Variants in ZDBF2 observed in about 807,000 individuals in gnomAD.
ZDBF2 encodes DBF4-type zinc finger-containing protein 2.
Under a neutral mutation model 9.4 loss-of-function variants are expected in ZDBF2, and 6 were observed. The observed-to-expected ratio is 0.64, with a 90% CI of 0.35 to 1.27. The LOEUF (loss-of-function observed/expected upper bound fraction) is 1.27, where lower values mean the gene tolerates loss of function less well. Among genes scored for constraint, ZDBF2 ranks in the 50% most tolerant of loss-of-function variants. ZDBF2 has a pLI of 0.03. For synonymous variants in ZDBF2, 905 were observed against 946.3 expected (o/e 0.96, Z 0.80); for missense variants, 2,697 against 2,766.8 (o/e 0.97, Z 0.57).
rs866543721 is a variant in ZDBF2 at position 206,311,268 on chromosome 2, G to A, written c.6740G>A (p.Arg2247Lys). ...CAGTCCAGGAGCGCTTTTCTTGGAA[G>A]GTATCTGAAGAAGAAAAAATCTGTT... Reference protein sequence around the residue: ...RYQSRSAFLGRYLKKKKSVVS... With the variant: ...RYQSRSAFLGKYLKKKKSVVS... Residue 2247 changes from arginine to lysine, a missense_variant, in exon 5 of 5, where the codon AGG becomes AAG. Around this residue, in one of 3 missense-constraint regions of ZDBF2, gnomAD observed 1,783 missense variants for 1,776.5 expected, o/e 1.00. Transcript: ENST00000374423. The A allele has an allele frequency of 6.2e-7, 1 of 1,609,820 alleles. No homozygotes were observed. Among genetic ancestry groups the A allele is most frequent in the African/African-American group, 1.3e-5 (1 of 74,856 alleles).
chr2:206,307,435 C>G lies in ZDBF2; in HGVS notation c.2907C>G (p.His969Gln), dbSNP rs765514761. Residue 969 changes from histidine to glutamine, a missense_variant, in exon 5 of 5, where the codon CAC becomes CAG. Transcript: ENST00000374423. ...DSDVPLQAATHKPEVIVKETW... is the reference protein window; with the variant it reads ...DSDVPLQAATQKPEVIVKETW... The stretch of plus-strand genomic sequence containing the variant: ...ATGTCCCTCTTCAGGCAGCGACTCA[C>G]AAACCTGAAGTAATTGTCAAAGAAA... 1.9e-6 allele frequency: 3 copies of G among 1,611,872 alleles called. No homozygotes were observed. The highest frequency in any genetic ancestry group is 2.5e-6 in the Non-Finnish European group (3 of 1,179,354).
Position 206,307,002 on chromosome 2 carries a change from G to C in ZDBF2, c.2474G>C (p.Cys825Ser), listed in dbSNP as rs561719362. The C allele has an allele frequency of 1.2e-6, 2 of 1,613,616 alleles. No individual in the cohort carries two copies. Among genetic ancestry groups the C allele is most frequent in the Non-Finnish European group, 8.5e-7 (1 of 1,179,744 alleles). Residue 825 changes from cysteine (C) to serine (S), a missense_variant, in exon 5 of 5, where the codon TGT (cysteine) becomes TCT (serine). Transcript: ENST00000374423. ...VDLESKSNESCVSEITFDSDI... is the reference protein window; with the variant it reads ...VDLESKSNESSVSEITFDSDI... ...CTGGAAAGTAAAAGTAATGAATCTT[G>C]TGTCTCTGAAATAACTTTTGATTCT...
chr2:206,301,801 C>T (rs1391528365), intron 4 of ZDBF2, among the ~76,000 whole-genome samples: 2 of 151,366 alleles, frequency 1.3e-5, no homozygotes, highest in Non-Finnish European at 1.5e-5. Flanking sequence ...TCATGTATTT[C>T]GTCTACCTTT....
intron 3 of ZDBF2, 148 bp from the exon 4 acceptor site, chr2:206,297,098 G>A: frequency 2.1e-6 from 1 of 484,340 alleles, no homozygotes; most frequent in Non-Finnish European, 3.6e-6. Flanking sequence ...GTAGTTTTAT[G>A]GTTTTTAGAT....
intron 4 of ZDBF2, among the ~76,000 whole-genome samples, chr2:206,302,064 C>T (rs760446303): frequency 5.3e-5 from 8 of 151,572 alleles, no homozygotes; most frequent in Non-Finnish European, 1.2e-4. Flanking sequence ...GGCTGGAGTG[C>T]AGGGTGTGAT....
chr2:206,277,372 A>G (rs1037470357), intron 1 of ZDBF2, among the ~76,000 whole-genome samples: 2 of 151,932 alleles, frequency 1.3e-5, no homozygotes, highest in African/African-American at 4.8e-5. Context: ...ATTTCTGCCT[A>G]AGTCATCTGG....
In ZDBF2 at chr2:206,306,399, C is replaced by T; in HGVS notation, c.1871C>T (p.Ala624Val). 1 of 1,613,802 alleles carries T rather than the reference C, an allele frequency of 6.2e-7. No individual in the cohort carries two copies. The highest frequency in any genetic ancestry group is 2.2e-5 in the East Asian group (1 of 44,878). Residue 624 changes from alanine (A) to valine (V), a missense_variant, in exon 5 of 5, where the codon GCA (alanine) becomes GTA (valine). This residue lies in a region of ZDBF2 where 910 missense variants were observed against 973.6 expected (regional missense o/e 0.93). Coordinates refer to ENST00000374423, the MANE Select transcript of ZDBF2 (RefSeq NM_020923.3). ...AAGCGTAAACCCAGTAGTGCTAAAGCACATCTTGATTGTGATGTCTCACTT... is the reference window on the plus strand; with the variant it reads ...AAGCGTAAACCCAGTAGTGCTAAAGTACATCTTGATTGTGATGTCTCACTT... ...HKKRKPSSAK[A>V]HLDCDVSLGT...
chr2:206,297,624 T>G (rs1244792510), intron 4 of ZDBF2, among the ~76,000 whole-genome samples: 1 of 152,154 alleles, frequency 6.6e-6, no homozygotes, highest in African/African-American at 2.4e-5. Context: ...CATTAAGATG[T>G]TTTATAAGTA....
At position 206,309,903 on chromosome 2, in the gene ZDBF2, T is replaced by G; in HGVS notation, c.5375T>G (p.Val1792Gly). Residue 1792 changes from valine (V) to glycine (G), a missense_variant, in exon 5 of 5, where the codon GTT (valine) becomes GGT (glycine). Transcript: ENST00000374423. ...EKNHDSQSSS[V>G]LKVDSVRNLK... ...AACCATGATTCCCAGTCAAGCTCTG[T>G]TCTCAAGGTTGATTCTGTAAGGAAC... 1.9e-6 allele frequency: 3 copies of G among 1,613,990 alleles called. No homozygotes were observed. The highest frequency in any genetic ancestry group is 2.5e-6 in the Non-Finnish European group (3 of 1,179,888).
Position 206,308,488 on chromosome 2 carries a change from G to A in ZDBF2, c.3960G>A (p.Lys1320=), listed in dbSNP as rs1176169408. 6.2e-7 allele frequency: 1 copy of A among 1,613,390 alleles called. No individual in the cohort carries two copies. Among genetic ancestry groups the A allele is most frequent in the East Asian group, 2.2e-5 (1 of 44,888 alleles). The change falls in exon 5 of 5, where the codon AAG becomes AAA. Residue 1320 remains lysine (K), a synonymous_variant. Coordinates refer to ENST00000374423, the MANE Select transcript of ZDBF2 (RefSeq NM_020923.3). ...LREEHVCLDD[K]GYVPSDSEII... is the part of the protein sequence containing the mutation. ...AGGAACATGTTTGTCTGGATGATAA[G>A]GGCTATGTGCCCAGTGATTCTGAAA...
Position 206,310,463 on chromosome 2 carries a change from A to C in ZDBF2, c.5935A>C (p.Arg1979=). The C allele has an allele frequency of 6.2e-7, 1 of 1,613,800 alleles. No individual in the cohort carries two copies. The highest frequency in any genetic ancestry group is 8.5e-7 in the Non-Finnish European group (1 of 1,179,858). Residue 1979 remains arginine (R), a synonymous_variant, in exon 5 of 5, where the codon AGA becomes CGA. Transcript: ENST00000374423. Reference sequence around the variant, plus strand: ...TAAGTGTTCACGTTTACAGGATGACAGAAAAACCAAAAAGAAAGTCAAAAT... The same window carrying C: ...TAAGTGTTCACGTTTACAGGATGACCGAAAAACCAAAAAGAAAGTCAAAAT... ...KSKCSRLQDD[R]KTKKKVKIGT...
Position 206,305,484 on chromosome 2 carries a change from A to T in ZDBF2, c.956A>T (p.Lys319Ile), listed in dbSNP as rs753238789. The part of the protein sequence containing the change: ...NPNKTDMPSN[K>I]GIFEDTIAKN... Reference sequence around the variant, plus strand: ...AATAAAACTGACATGCCTTCTAATAAAGGAATCTTTGAAGATACTATTGCA... The same window carrying T: ...AATAAAACTGACATGCCTTCTAATATAGGAATCTTTGAAGATACTATTGCA... The change falls in exon 5 of 5, where the codon AAA becomes ATA. Residue 319 changes from lysine to isoleucine, a missense_variant. Physicochemically the swap from Lys to Ile is moderately radical, Grantham distance 102. Transcript: ENST00000374423. The T allele has an allele frequency of 1.9e-6, 3 of 1,612,904 alleles. No homozygotes were observed. In the Admixed American group the frequency reaches 5.0e-5, roughly 27 times the overall value.
chr2:206,294,206 A>AACCT, intron 3 of ZDBF2, among the ~76,000 whole-genome samples: 1 of 152,170 alleles, frequency 6.6e-6, no homozygotes, highest in East Asian at 1.9e-4. Context: ...AAGTTAGGTA[A>AACCT]TAGTTACTTT....
intron 3 of ZDBF2, among the ~76,000 whole-genome samples, chr2:206,293,610 CAG>C (rs138509647): frequency 1.2e-3 from 188 of 152,238 alleles, no homozygotes; most frequent in African/African-American, 4.3e-3. Flanking sequence ...ATTTGAAAAA[CAG>C]AGAGACTTGA....
chr2:206,275,502 G>A (rs1265101653), intron 1 of ZDBF2, among the ~76,000 whole-genome samples: 1 of 152,184 alleles, frequency 6.6e-6, no homozygotes, highest in Non-Finnish European at 1.5e-5. Context: ...CAACAGTTGT[G>A]TAAATGTGGT....
chr2:206,280,005 A>G (rs1436329770), intron 2 of ZDBF2, among the ~76,000 whole-genome samples: 1 of 152,164 alleles, frequency 6.6e-6, no homozygotes. Context: ...GGTTTTTGCC[A>G]TGTTGGCCAG....
At chr2:206,296,419 C>T (rs1223833915) in intron 3 of ZDBF2, among the ~76,000 whole-genome samples, 1 of 151,974 alleles carries the variant, frequency 6.6e-6, no homozygotes, top group African/African-American at 2.4e-5. Context: ...TTCAAGTAAC[C>T]CTTATTTTAC....
At position 206,310,984 on chromosome 2, in the gene ZDBF2, T is replaced by A; in HGVS notation, c.6456T>A (p.Asn2152Lys). The A allele has an allele frequency of 2.5e-6, 4 of 1,613,510 alleles. No homozygotes were observed. The South Asian group carries it at 4.4e-5, about 18-fold the overall frequency. Residue 2152 changes from asparagine (N) to lysine (K), a missense_variant, in exon 5 of 5, where the codon AAT becomes AAA. Around this residue, in one of 3 missense-constraint regions of ZDBF2, gnomAD observed 1,783 missense variants for 1,776.5 expected, o/e 1.00. Coordinates refer to ENST00000374423, the MANE Select transcript of ZDBF2 (RefSeq NM_020923.3). ...GAAATTTCCAGCTAACATTTTTAAA[T>A]CATGATGTTGTCAAAATCTCTCCAA... ...KKRNFQLTFL[N>K]HDVVKISPKS... is the part of the protein sequence containing the mutation.
At position 206,300,457 on chromosome 2, in the gene ZDBF2, A is replaced by G. The variant is rs73052145; in HGVS notation, c.188+3084A>G. Among the ~76,000 whole-genome samples the G allele has an allele frequency of 4.6e-3, 701 of 152,232 alleles. 1 individual carries two copies. Among genetic ancestry groups the G allele is most frequent in the African/African-American group, 0.016 (651 of 41,542 alleles). On this transcript the variant is annotated intron_variant, in intron 4 of 4. Transcript: ENST00000374423. Reference sequence around the variant, plus strand: ...ATAGCCTTCAATTTGTGTCTGCCTGATATTTTCTTATGATTAAACTTCGGT... The same window carrying G: ...ATAGCCTTCAATTTGTGTCTGCCTGGTATTTTCTTATGATTAAACTTCGGT...
Sources: gnomAD v4.1 joint callset for allele counts (sites outside exome capture counted in the v4.1 genomes callset) on GRCh38, gnomAD v4.1.1 for gene constraint, gnomAD v4.1.1 regional missense constraint, MANE v1.5 for transcripts, NCBI Gene and HGNC (gene_info 2026-07-23, HGNC 2026-07-21) for gene names.